HEMK2: variants seen among roughly 807,000 people sequenced by gnomAD.
HEMK2 encodes the protein methyltransferase HEMK2.
the HEMK2 span, among the ~76,000 whole-genome samples, chr21:28,833,735 C>A: frequency 6.6e-6 from 1 of 152,162 alleles, no homozygotes; most frequent in South Asian, 2.1e-4. Flanking sequence ...TGGACAAGGC[C>A]AGGCAAGGTT....
chr21:28,699,188 G>A, the HEMK2 span, among the ~76,000 whole-genome samples: 2 of 152,128 alleles, frequency 1.3e-5, no homozygotes, highest in Non-Finnish European at 2.9e-5. Context: ...CCCTTTTAAT[G>A]AAATGCTACA....
At chr21:28,836,531 A>C in the HEMK2 span, among the ~76,000 whole-genome samples, 31 of 152,342 alleles carry the variant, frequency 2.0e-4, no homozygotes, top group African/African-American at 7.5e-4. Context: ...ATCAAAACAG[A>C]ACCTTTTTAA....
chr21:28,597,331 G>A, the HEMK2 span, among the ~76,000 whole-genome samples: 24 of 152,236 alleles, frequency 1.6e-4, no homozygotes, highest in African/African-American at 5.8e-4. Flanking sequence ...ATCTGTTAAG[G>A]AGAGAGGTGG....
At chr21:28,763,315 G>A in the HEMK2 span, among the ~76,000 whole-genome samples, 2 of 152,226 alleles carry the variant, frequency 1.3e-5, no homozygotes, top group Non-Finnish European at 2.9e-5. Flanking sequence ...CTTCTGGTGA[G>A]GCCTCAGAGA....
the HEMK2 span, among the ~76,000 whole-genome samples, chr21:28,847,475 C>G: frequency 6.6e-6 from 1 of 151,982 alleles, no homozygotes; most frequent in Non-Finnish European, 1.5e-5. Context: ...AAGTTATTTG[C>G]TTTTTGCTTG....
At chr21:28,760,528 C>T in the HEMK2 span, among the ~76,000 whole-genome samples, 7 of 152,138 alleles carry the variant, frequency 4.6e-5, no homozygotes, top group Non-Finnish European at 8.8e-5. Context: ...TTACAGACTT[C>T]CTATAAATTT....
chr21:28,802,977 G>T, the HEMK2 span, among the ~76,000 whole-genome samples: 1 of 152,132 alleles, frequency 6.6e-6, no homozygotes, highest in African/African-American at 2.4e-5. Context: ...GAGGTCTCTT[G>T]TTATAAACTT....
At chr21:28,722,004 T>A in the HEMK2 span, among the ~76,000 whole-genome samples, 1 of 151,660 alleles carries the variant, frequency 6.6e-6, no homozygotes, top group Admixed American at 6.6e-5. Context: ...ATAGAAATCA[T>A]AGCTTATGCC....
the HEMK2 span, among the ~76,000 whole-genome samples, chr21:28,602,209 T>G: frequency 6.6e-6 from 1 of 152,224 alleles, no homozygotes; most frequent in Non-Finnish European, 1.5e-5. Flanking sequence ...ATGGACTGTG[T>G]TTTTTAAATT....
the HEMK2 span, among the ~76,000 whole-genome samples, chr21:28,868,170 T>C: frequency 6.6e-6 from 1 of 152,202 alleles, no homozygotes; most frequent in African/African-American, 2.4e-5. Flanking sequence ...TGTTTAATAA[T>C]AAGTATTTGG....
chr21:28,802,272 G>C, the HEMK2 span, among the ~76,000 whole-genome samples: 1 of 152,132 alleles, frequency 6.6e-6, no homozygotes, highest in South Asian at 2.1e-4. Flanking sequence ...ATTAAATACA[G>C]AACAGTGTGT....
chr21:28,757,463 C>T, the HEMK2 span, among the ~76,000 whole-genome samples: 297 of 152,264 alleles, frequency 2.0e-3, 1 homozygote, highest in African/African-American at 6.7e-3. Context: ...GCCGAGATCC[C>T]AGTGGACCCT....
the HEMK2 span, among the ~76,000 whole-genome samples, chr21:28,795,779 T>TA: frequency 6.6e-6 from 1 of 152,178 alleles, no homozygotes; most frequent in East Asian, 1.9e-4. Flanking sequence ...TTTGAAAACT[T>TA]AGAGGCTGAT....
At chr21:28,665,228 T>A in the HEMK2 span, among the ~76,000 whole-genome samples, 1 of 150,890 alleles carries the variant, frequency 6.6e-6, no homozygotes, top group South Asian at 2.1e-4. Context: ...CGTCGCGATC[T>A]CATCACTGCA....
the HEMK2 span, among the ~76,000 whole-genome samples, chr21:28,830,054 C>G: frequency 1.3e-5 from 2 of 152,144 alleles, no homozygotes; most frequent in African/African-American, 4.8e-5. Context: ...GAATTCTTGC[C>G]AGAGACTAGT....
At chr21:28,635,092 T>A in the HEMK2 span, among the ~76,000 whole-genome samples, 1 of 147,444 alleles carries the variant, frequency 6.8e-6, no homozygotes, top group East Asian at 2.1e-4. Context: ...ATGTGTTTAA[T>A]GTCCTCATCT....
chr21:28,750,264 C>G, the HEMK2 span, among the ~76,000 whole-genome samples: 3 of 152,224 alleles, frequency 2.0e-5, no homozygotes, highest in African/African-American at 7.2e-5. Context: ...GTTCCCTCAT[C>G]ATATTTAATT....
chr21:28,668,989 C>G, the HEMK2 span, among the ~76,000 whole-genome samples: 1 of 152,134 alleles, frequency 6.6e-6, no homozygotes, highest in African/African-American at 2.4e-5. Flanking sequence ...CTATTCAGAG[C>G]AGGTGCCTAC....
At chr21:28,686,119 G>C in the HEMK2 span, among the ~76,000 whole-genome samples, 1 of 152,238 alleles carries the variant, frequency 6.6e-6, no homozygotes, top group Non-Finnish European at 1.5e-5. Flanking sequence ...GGGCTCCAAA[G>C]AGCCTGGCTA....
Sources: allele counts gnomAD v4.1 joint callset (sites outside exome capture counted in the v4.1 genomes callset), GRCh38; gene constraint gnomAD v4.1.1; transcripts MANE v1.5; gene names NCBI Gene and HGNC (gene_info 2026-07-23, HGNC 2026-07-21).